SOX5: variants seen among roughly 807,000 people sequenced by gnomAD.
SOX5 encodes the protein SRY-box transcription factor 5, also known as transcription factor SOX-5.
SOX5 carries 9 observed loss-of-function variants against 92.0 expected under a neutral mutation model. That is an observed-to-expected ratio of 0.10 (90% CI 0.06 to 0.17). The LOEUF (loss-of-function observed/expected upper bound fraction) is 0.17. Ranked by LOEUF, SOX5 falls within the 10% of genes least tolerant of loss-of-function variation. The pLI, the probability that SOX5 is intolerant of heterozygous loss-of-function variation, is 1.00. For missense variants in SOX5, 642 were observed against 944.5 expected (o/e 0.68, Z 4.20); for synonymous variants, 344 against 336.3 (o/e 1.02, Z -0.25).
At chr12:24,004,040 A>G (rs1048903212) in intron 4 of SOX5, among the ~76,000 whole-genome samples, 23 of 152,074 alleles carry the variant, frequency 1.5e-4, no homozygotes, top group African/African-American at 5.5e-4. Context: ...TGCCAAAGCA[A>G]TTTAAATGAG....
intron 8 of SOX5, among the ~76,000 whole-genome samples, chr12:23,611,369 CGTGTGTGT>C (rs3030241): frequency 7.3e-6 from 1 of 136,994 alleles, no homozygotes; most frequent in Non-Finnish European, 1.6e-5. Flanking sequence ...TGTGTGTGTG[CGTGTGTGT>C]GTGTGTGTGT....
intron 9 of SOX5, among the ~76,000 whole-genome samples, chr12:23,602,029 A>G (rs950093197): frequency 1.3e-5 from 2 of 152,190 alleles, no homozygotes; most frequent in Non-Finnish European, 2.9e-5. Context: ...AAAGAAGTAC[A>G]ACACCCACTA....
chr12:23,568,413 C>T (rs1053123472), intron 10 of SOX5, among the ~76,000 whole-genome samples: 2 of 152,134 alleles, frequency 1.3e-5, no homozygotes, highest in Non-Finnish European at 2.9e-5. Flanking sequence ...ACCAATATGC[C>T]ACCCTTGGTC....
chr12:24,328,497 T>G (rs1232597351), intron 2 of SOX5, among the ~76,000 whole-genome samples: 2 of 152,200 alleles, frequency 1.3e-5, no homozygotes, highest in African/African-American at 4.8e-5. Context: ...TCTGCCAGAT[T>G]TGACATCTGT....
chr12:24,012,447 G>C (rs567091568), intron 4 of SOX5, among the ~76,000 whole-genome samples: 1 of 152,114 alleles, frequency 6.6e-6, no homozygotes, highest in Non-Finnish European at 1.5e-5. Flanking sequence ...GATGTAAAAA[G>C]CTGATGAAAT....
chr12:24,222,255 T>C lies in SOX5; in HGVS notation c.-76-8838A>G, dbSNP rs1960648086. ...GCCCTGGTCTTTTGACCACCAAAAA[T>C]GTCCCTATTTATTTCCAGGGCTATG... On this transcript the variant is annotated intron_variant, in intron 3 of 4. Coordinates refer to the SOX5 transcript ENST00000446891. Among the ~76,000 whole-genome samples the C allele has an allele frequency of 2.6e-5, 4 of 152,154 alleles. No homozygotes were observed. In the South Asian group the frequency reaches 8.3e-4, roughly 31 times the overall value.
chr12:23,932,157 G>A (rs1941575870), intron 1 of SOX5, among the ~76,000 whole-genome samples: 1 of 151,378 alleles, frequency 6.6e-6, no homozygotes, highest in South Asian at 2.1e-4. Flanking sequence ...ATATAAAAAA[G>A]AATGATGGTC....
intron 4 of SOX5, among the ~76,000 whole-genome samples, chr12:24,023,647 C>T (rs1954561574): frequency 6.6e-6 from 1 of 152,076 alleles, no homozygotes; most frequent in Admixed American, 6.6e-5. Flanking sequence ...TTGGGGTTAT[C>T]TATGCATTTA....
intron 4 of SOX5, among the ~76,000 whole-genome samples, chr12:24,096,162 GA>G (rs1198377654): frequency 6.6e-6 from 1 of 152,108 alleles, no homozygotes; most frequent in Non-Finnish European, 1.5e-5. Flanking sequence ...TACATGTGCA[GA>G]ACATGCAGGT....
intron 3 of SOX5, among the ~76,000 whole-genome samples, chr12:23,765,285 G>T (rs1224390089): frequency 1.4e-5 from 2 of 139,426 alleles, no homozygotes; most frequent in African/African-American, 5.1e-5. Context: ...TTGCAAAAGG[G>T]CGTTTAATGT....
intron 3 of SOX5, among the ~76,000 whole-genome samples, chr12:23,837,229 T>G (rs987513487): frequency 3.4e-5 from 4 of 117,758 alleles, no homozygotes; most frequent in South Asian, 2.4e-4. Context: ...TGATATATAA[T>G]ATATATTTAT....
chr12:23,785,886 T>C (rs1445176119), intron 3 of SOX5, among the ~76,000 whole-genome samples: 2 of 152,120 alleles, frequency 1.3e-5, no homozygotes, highest in African/African-American at 4.8e-5. Context: ...TTTAGATTTT[T>C]TTCATGGTGT....
chr12:24,428,838 C>T (rs954318436), intron 1 of SOX5, among the ~76,000 whole-genome samples: 1 of 146,796 alleles, frequency 6.8e-6, no homozygotes, highest in South Asian at 2.2e-4. Context: ...TTCAAGACAG[C>T]ATAGTGAGCC....
chr12:24,506,889 C>T (rs1404960376), intron 1 of SOX5, among the ~76,000 whole-genome samples: 1 of 142,598 alleles, frequency 7.0e-6, no homozygotes, highest in Admixed American at 7.7e-5. Flanking sequence ...CTCCCGGGTT[C>T]ACACCATTCT....
chr12:24,148,688 T>TAAAAAAAAAAAA (rs398018872), intron 4 of SOX5, among the ~76,000 whole-genome samples: 3 of 70,948 alleles, frequency 4.2e-5, no homozygotes, highest in Non-Finnish European at 6.7e-5. Context: ...CCATCTCTAC[T>TAAAAAAAAAAAA]AAAAAAAAAA....
intron 2 of SOX5, among the ~76,000 whole-genome samples, chr12:24,331,947 T>C (rs1363021430): frequency 7.0e-6 from 1 of 142,990 alleles, no homozygotes; most frequent in Non-Finnish European, 1.5e-5. Flanking sequence ...TGTGAATGTT[T>C]TATAGAATAT....
chr12:24,217,305 T>C (rs1252794451), intron 3 of SOX5, among the ~76,000 whole-genome samples: 2 of 152,192 alleles, frequency 1.3e-5, no homozygotes, highest in Non-Finnish European at 2.9e-5. Flanking sequence ...TCCTTGAATC[T>C]GTAGGATCTG....
chr12:24,222,971 C>T (rs147605299), intron 3 of SOX5, among the ~76,000 whole-genome samples: 1 of 152,100 alleles, frequency 6.6e-6, no homozygotes, highest in African/African-American at 2.4e-5. Flanking sequence ...TGTCCGGCAC[C>T]CCATACTGAC....
At chr12:24,117,680 C>A (rs780473269) in intron 4 of SOX5, among the ~76,000 whole-genome samples, 5 of 152,094 alleles carry the variant, frequency 3.3e-5, no homozygotes, top group Non-Finnish European at 7.4e-5. Context: ...ATGAATGGAA[C>A]TGGAGGATAT....
Sources: allele counts gnomAD v4.1 joint callset (sites outside exome capture counted in the v4.1 genomes callset), GRCh38; gene constraint gnomAD v4.1.1; transcripts MANE v1.5; gene names NCBI Gene and HGNC (gene_info 2026-07-23, HGNC 2026-07-21).